ZNF670: variants seen among roughly 807,000 people sequenced by gnomAD.
The protein encoded by ZNF670 is zinc finger protein 670.
Under a neutral mutation model 10.9 loss-of-function variants are expected in ZNF670, and 7 were observed. The observed-to-expected ratio is 0.64, with a 90% CI of 0.36 to 1.20. The LOEUF is 1.20. Ranked by LOEUF, ZNF670 falls within the 50% of genes most tolerant of loss-of-function variation. ZNF670 has a pLI of 0.02. For synonymous variants in ZNF670, 136 were observed against 152.7 expected, an observed-to-expected ratio of 0.89 and a Z score of 0.81; for missense variants, 446 against 458.6, an observed-to-expected ratio of 0.97 and a Z score of 0.25.
intron 1 of ZNF670, among the ~76,000 whole-genome samples, chr1:247,078,054 G>C (rs1283218863): frequency 6.6e-6 from 1 of 152,162 alleles, no homozygotes; most frequent in Non-Finnish European, 1.5e-5. Context: ...CAGTCTATAT[G>C]GGGTGACTAC....
At position 247,049,782 on chromosome 1, in the gene ZNF670, A is replaced by C. The variant is rs559388849; in HGVS notation, c.4-10245T>G. Among the ~76,000 whole-genome samples the C allele has an allele frequency of 4.6e-5, 7 of 152,368 alleles. No homozygotes were observed. The South Asian group carries it at 1.5e-3, about 32-fold the overall frequency. ...ATCTTGATTTCATTGTTGACCCAAC[A>C]GTCAGTCATTCAGGAGCAGATTATT... On this transcript the variant is annotated intron_variant, in intron 1 of 3. Coordinates refer to ENST00000366503, the MANE Select transcript of ZNF670 (RefSeq NM_033213.5).
intron 1 of ZNF670, among the ~76,000 whole-genome samples, chr1:247,072,829 T>C (rs1274178949): frequency 0.14 from 13,247 of 93,840 alleles, 1,594 homozygotes; most frequent in South Asian, 0.25. Context: ...TATATATATA[T>C]ATATATATAT....
At chr1:247,043,561 C>T in intron 1 of ZNF670, 1 of 657,464 alleles carries the variant, frequency 1.5e-6, no homozygotes, top group Non-Finnish European at 2.7e-6. Flanking sequence ...TTCAACAAAG[C>T]TTCCAAAAGT....
At chr1:247,039,084 ATT>A (rs1670242700) in intron 2 of ZNF670, among the ~76,000 whole-genome samples, 1 of 112,632 alleles carries the variant, frequency 8.9e-6, no homozygotes, top group Non-Finnish European at 1.8e-5. Flanking sequence ...TTTGAGACAG[ATT>A]GTTTCTTCGT....
intron 1 of ZNF670, among the ~76,000 whole-genome samples, chr1:247,072,853 T>TATATATATATAC (rs1671170489): frequency 1.0e-5 from 1 of 100,006 alleles, no homozygotes; most frequent in Non-Finnish European, 2.0e-5. Context: ...TACACACACA[T>TATATATATATAC]ACACACACAC....
intron 1 of ZNF670, among the ~76,000 whole-genome samples, chr1:247,045,878 A>T (rs779176625): frequency 3.7e-4 from 57 of 152,338 alleles, no homozygotes; most frequent in Middle Eastern, 6.8e-3. Context: ...AGCCAGGCCA[A>T]TGAGGTCTTA....
chr1:247,051,990 ATTT>A (rs146107156), intron 1 of ZNF670, among the ~76,000 whole-genome samples: 3 of 128,256 alleles, frequency 2.3e-5, no homozygotes, highest in Middle Eastern at 4.1e-3. Context: ...CATGTCCTGT[ATTT>A]TTTTTTTTTT....
intron 1 of ZNF670, among the ~76,000 whole-genome samples, chr1:247,061,337 C>A (rs1670855457): frequency 6.6e-6 from 1 of 152,016 alleles, no homozygotes; most frequent in Non-Finnish European, 1.5e-5. Context: ...CCCGCCACCA[C>A]ACCTGGCTAA....
intron 1 of ZNF670, among the ~76,000 whole-genome samples, chr1:247,056,799 T>A (rs529933169): frequency 1.3e-5 from 2 of 152,164 alleles, no homozygotes; most frequent in South Asian, 4.1e-4. Context: ...TATCCACATG[T>A]AGAAGAATAA....
intron 1 of ZNF670, among the ~76,000 whole-genome samples, chr1:247,064,603 G>A (rs796319491): frequency 1.2e-4 from 18 of 152,232 alleles, no homozygotes; most frequent in African/African-American, 3.6e-4. Context: ...TGGACTCAGG[G>A]GCACAGCATG....
Position 247,034,923 on chromosome 1 carries a change from C to A in ZNF670, c.*2526G>T, listed in dbSNP as rs1056128291. 6.6e-6 allele frequency among the ~76,000 whole-genome samples: 1 copy of A among 152,134 alleles called. No homozygotes were observed. Among genetic ancestry groups the A allele is most frequent in the East Asian group, 1.9e-4 (1 of 5,192 alleles). ...TGTGGGGTACCTTGGAAACTGCCTG[C>A]CAAACACAGGTCAAGGTGGAACATA... On this transcript the variant is annotated 3_prime_UTR_variant, in exon 4 of 4. Transcript: ENST00000366503.
At chr1:247,071,224 T>C (rs985929801) in intron 1 of ZNF670, among the ~76,000 whole-genome samples, 1 of 152,200 alleles carries the variant, frequency 6.6e-6, no homozygotes, top group Non-Finnish European at 1.5e-5. Context: ...TTAACCTATA[T>C]GCCCAGCAAC....
intron 1 of ZNF670, among the ~76,000 whole-genome samples, chr1:247,073,721 G>GTCAAC (rs893193175): frequency 6.6e-6 from 1 of 152,126 alleles, no homozygotes; most frequent in African/African-American, 2.4e-5. Context: ...ACCACTCAGA[G>GTCAAC]TCAACACATA....
intron 1 of ZNF670, among the ~76,000 whole-genome samples, chr1:247,048,355 A>C (rs1670508481): frequency 6.6e-6 from 1 of 152,128 alleles, no homozygotes; most frequent in Non-Finnish European, 1.5e-5. Context: ...TTCAGTTCCC[A>C]AGAAGATCCT....
At chr1:247,046,300 G>C (rs1459750703) in intron 1 of ZNF670, among the ~76,000 whole-genome samples, 2 of 152,176 alleles carry the variant, frequency 1.3e-5, no homozygotes, top group Admixed American at 1.3e-4. Flanking sequence ...TCAGAAAACT[G>C]TGGCAGCCCC....
rs1670199622 is a variant in ZNF670 at position 247,037,896 on chromosome 1, G to A, written c.723C>T (p.Arg241=). The change falls in exon 4 of 4, where the codon CGC becomes CGT. Residue 241 remains arginine, a synonymous_variant. Coordinates refer to ENST00000366503, the MANE Select transcript of ZNF670 (RefSeq NM_033213.5). ...CTCCAGTATGAGATCTTTCATGTTG[G>A]CGAAGAGAACTGGAAAAAGTGAATG... is the stretch of plus-strand genomic sequence containing the variant. ...GKSFTFSSSL[R]QHERSHTGEK... 1 of 1,613,582 alleles carries A rather than the reference G, an allele frequency of 6.2e-7. No homozygotes were observed. Among genetic ancestry groups the A allele is most frequent in the Admixed American group, 1.7e-5 (1 of 59,948 alleles).
intron 1 of ZNF670, among the ~76,000 whole-genome samples, chr1:247,067,627 G>A (rs1671016446): frequency 6.8e-6 from 1 of 146,674 alleles, no homozygotes; most frequent in South Asian, 2.2e-4. Context: ...CGGATCACGA[G>A]GTCAGGAGAT....
chr1:247,035,901 C>A lies in ZNF670; in HGVS notation c.*1548G>T, dbSNP rs768465179. ...TGCAGAAAACTTACTGGATGAGCATCCCTAATCCAAATATCAAAAATCCTC... is the reference window on the plus strand; with the variant it reads ...TGCAGAAAACTTACTGGATGAGCATACCTAATCCAAATATCAAAAATCCTC... On this transcript the variant is annotated 3_prime_UTR_variant, in exon 4 of 4. Transcript: ENST00000366503. Among the ~76,000 whole-genome samples, 6 of 152,112 alleles carry A rather than the reference C, an allele frequency of 3.9e-5. No individual in the cohort carries two copies. The highest frequency in any genetic ancestry group is 5.9e-5 in the Non-Finnish European group (4 of 68,012).
Position 247,076,498 on chromosome 1 carries a change from C to T in ZNF670, c.3+2096G>A, listed in dbSNP as rs187245373. Among the ~76,000 whole-genome samples, 140 of 152,090 alleles carry T rather than the reference C, an allele frequency of 9.2e-4. 1 individual carries two copies. The highest frequency in any genetic ancestry group is 3.1e-3 in the African/African-American group (130 of 41,492). Reference sequence around the variant, plus strand: ...ATCTCGATCTCCTGACCTCGTGATCCGCCCGCCTCGGCCTCCCAAAGTGTT... The same window carrying T: ...ATCTCGATCTCCTGACCTCGTGATCTGCCCGCCTCGGCCTCCCAAAGTGTT... On this transcript the variant is annotated intron_variant, in intron 1 of 3. Coordinates refer to ENST00000366503, the MANE Select transcript of ZNF670 (RefSeq NM_033213.5).
Sources: gnomAD v4.1 joint callset for allele counts (sites outside exome capture counted in the v4.1 genomes callset) on GRCh38, gnomAD v4.1.1 for gene constraint, MANE v1.5 for transcripts, NCBI Gene and HGNC (gene_info 2026-07-23, HGNC 2026-07-21) for gene names.